The following DCLK1 variants were observed in gnomAD, a reference collection of about 807,000 sequenced individuals.
DCLK1 encodes doublecortin like kinase 1, also known as serine/threonine-protein kinase DCLK1.
DCLK1 carries 16 observed loss-of-function variants against 86.2 expected under a neutral mutation model. That is an observed-to-expected ratio of 0.19 (90% confidence interval 0.13 to 0.28). The LOEUF is 0.28. Among genes scored for constraint, DCLK1 ranks in the 10% least tolerant of loss-of-function variants. DCLK1 has a pLI of 1.00. For synonymous variants in DCLK1, 369 were observed against 370.5 expected (o/e 1.00, Z 0.05); for missense variants, 590 against 940.2 (o/e 0.63, Z 4.87).
At chr13:35,850,540 C>G in intron 6 of DCLK1, 3 of 1,259,256 alleles carry the variant, frequency 2.4e-6, no homozygotes, top group Non-Finnish European at 3.0e-6. Flanking sequence ...AAAAATCTCT[C>G]AATTTCAAGG....
At chr13:35,778,349 A>T (rs1223426024) in intron 16 of DCLK1, among the ~76,000 whole-genome samples, 2 of 152,176 alleles carry the variant, frequency 1.3e-5, no homozygotes, top group East Asian at 3.9e-4. Context: ...GCATCAGTAG[A>T]CTCATTGTCT....
chr13:36,075,892 G>T lies in DCLK1; in HGVS notation c.723+35977C>A, dbSNP rs908102247. Among the ~76,000 whole-genome samples, 4 of 151,984 alleles carry T rather than the reference G, an allele frequency of 2.6e-5. No individual in the cohort carries two copies. In the East Asian group the frequency reaches 7.7e-4, roughly 29 times the overall value. On this transcript the variant is annotated intron_variant, in intron 3 of 16. Transcript: ENST00000360631. Reference sequence around the variant, plus strand: ...ACAAAAAAATTAGCCGAACACAGTGGCACATGCCTGTAGTCCCAGCTACTC... The same window carrying T: ...ACAAAAAAATTAGCCGAACACAGTGTCACATGCCTGTAGTCCCAGCTACTC...
chr13:35,918,892 G>GTTTTTTTTTTGTTTT (rs1875604108), intron 4 of DCLK1, among the ~76,000 whole-genome samples: 2 of 76,310 alleles, frequency 2.6e-5, no homozygotes, highest in African/African-American at 4.4e-5. Context: ...TTCTGAGTGT[G>GTTTTTTTTTTGTTTT]TTTTTTTTTT....
intron 3 of DCLK1, among the ~76,000 whole-genome samples, chr13:35,954,878 G>C (rs969475244): frequency 1.3e-5 from 2 of 151,890 alleles, no homozygotes; most frequent in African/African-American, 4.8e-5. Context: ...TTCAGAATAG[G>C]CTAGGAGATA....
In DCLK1 at chr13:36,100,596, T is replaced by C. The variant is rs558998128; in HGVS notation, c.723+11273A>G. Among the ~76,000 whole-genome samples, 8 of 152,316 alleles carry C rather than the reference T, an allele frequency of 5.3e-5. No individual in the cohort carries two copies. In the South Asian group the frequency reaches 1.7e-3, roughly 32 times the overall value. Reference sequence around the variant, plus strand: ...TTTCTAGGGCTTATTATTTTTTCCCTAATTTAGAGCTATAACCTCAGAAAT... The same window carrying C: ...TTTCTAGGGCTTATTATTTTTTCCCCAATTTAGAGCTATAACCTCAGAAAT... On this transcript the variant is annotated intron_variant, in intron 3 of 16. Transcript: ENST00000360631.
intron 6 of DCLK1, among the ~76,000 whole-genome samples, chr13:35,841,663 A>C (rs1869799769): frequency 6.6e-6 from 1 of 152,208 alleles, no homozygotes; most frequent in African/African-American, 2.4e-5. Flanking sequence ...TGAGAGTAAC[A>C]GATGATGGGC....
chr13:36,029,276 C>T (rs147837107), intron 3 of DCLK1, among the ~76,000 whole-genome samples: 3 of 152,274 alleles, frequency 2.0e-5, no homozygotes, highest in Non-Finnish European at 4.4e-5. Context: ...ACTCTCACGG[C>T]ACCATATACA....
chr13:35,847,712 G>T (rs1033948317), intron 6 of DCLK1: 1 of 983,452 alleles, frequency 1.0e-6, no homozygotes. Flanking sequence ...TTCCCCGGCT[G>T]GTTATGTAGG....
intron 4 of DCLK1, among the ~76,000 whole-genome samples, chr13:35,876,747 G>T (rs1872612941): frequency 6.6e-6 from 1 of 152,154 alleles, no homozygotes; most frequent in African/African-American, 2.4e-5. Flanking sequence ...TCTCACATGG[G>T]GGCATTTGCC....
intron 6 of DCLK1, among the ~76,000 whole-genome samples, chr13:35,843,712 T>C (rs182507203): frequency 1.3e-5 from 2 of 152,354 alleles, no homozygotes; most frequent in Admixed American, 1.3e-4. Flanking sequence ...AATTGCACCA[T>C]TTCCACTTCA....
chr13:35,874,961 T>A (rs1238429907), intron 4 of DCLK1, among the ~76,000 whole-genome samples: 1 of 152,214 alleles, frequency 6.6e-6, no homozygotes, highest in Non-Finnish European at 1.5e-5. Flanking sequence ...CTCGTACATT[T>A]TTATCACGTG....
At chr13:35,992,033 T>C (rs771395167) in intron 3 of DCLK1, among the ~76,000 whole-genome samples, 2 of 152,228 alleles carry the variant, frequency 1.3e-5, no homozygotes, top group South Asian at 2.1e-4. Context: ...CCTGGCTCAG[T>C]AGATTTTGGT....
intron 15 of DCLK1, among the ~76,000 whole-genome samples, chr13:35,802,331 C>CAA (rs34124656): frequency 2.2e-4 from 21 of 97,484 alleles, no homozygotes; most frequent in Non-Finnish European, 3.2e-4. Context: ...GACCCTGTCT[C>CAA]AAAAAAAAAA....
In DCLK1 at chr13:36,056,041, T is replaced by C. The variant is rs946681871; in HGVS notation, c.723+55828A>G. Among the ~76,000 whole-genome samples the C allele has an allele frequency of 4.7e-5, 7 of 149,028 alleles. No homozygotes were observed. In the South Asian group the frequency reaches 6.5e-4, roughly 14 times the overall value. On this transcript the variant is annotated intron_variant, in intron 3 of 16. Transcript: ENST00000360631. Reference sequence around the variant, plus strand: ...TGGGACTGTAAACTAGTTCAACCATTGTGGAAGTCAGTGTGGCGATTCCTC... The same window carrying C: ...TGGGACTGTAAACTAGTTCAACCATCGTGGAAGTCAGTGTGGCGATTCCTC...
intron 6 of DCLK1, chr13:35,849,956 C>T: frequency 3.1e-6 from 3 of 959,342 alleles, no homozygotes; most frequent in Non-Finnish European, 3.7e-6. Flanking sequence ...TATAGCAATG[C>T]CATTGGCCAA....
intron 4 of DCLK1, among the ~76,000 whole-genome samples, chr13:35,914,350 CATATATAT>C (rs1566600254): frequency 2.1e-5 from 2 of 94,214 alleles, no homozygotes; most frequent in African/African-American, 4.9e-5. Flanking sequence ...TATATATATA[CATATATAT>C]ATATATATAT....
Position 36,054,511 on chromosome 13 carries a change from A to C in DCLK1, c.723+57358T>G, listed in dbSNP as rs1398693491. ...CTAAACACTGAGTTGAGAAACTTCCATTCTACTTGGGAGAGGGGTAGGGGA... is the reference window on the plus strand; with the variant it reads ...CTAAACACTGAGTTGAGAAACTTCCCTTCTACTTGGGAGAGGGGTAGGGGA... On this transcript the variant is annotated intron_variant, in intron 3 of 16. Transcript: ENST00000360631. Among the ~76,000 whole-genome samples, 5 of 152,312 alleles carry C rather than the reference A, an allele frequency of 3.3e-5. No homozygotes were observed. In the East Asian group the frequency reaches 9.7e-4, roughly 29 times the overall value.
intron 2 of DCLK1, among the ~76,000 whole-genome samples, chr13:36,123,871 A>G (rs758257722): frequency 7.9e-5 from 12 of 152,232 alleles, no homozygotes; most frequent in South Asian, 2.1e-4. Flanking sequence ...GATGGTGACA[A>G]GCATGCCATA....
chr13:35,958,031 TACCACCACC>T (rs1304121792), intron 3 of DCLK1, among the ~76,000 whole-genome samples: 1 of 4,416 alleles, frequency 2.3e-4, no homozygotes, highest in Admixed American at 2.0e-3. Context: ...ACACCACAAC[TACCACCACC>T]ACCACCATCA....
Sources: allele counts gnomAD v4.1 joint callset (sites outside exome capture counted in the v4.1 genomes callset), GRCh38; gene constraint gnomAD v4.1.1; transcripts MANE v1.5; gene names NCBI Gene and HGNC (gene_info 2026-07-23, HGNC 2026-07-21).